The following IMPG1 variants were observed in gnomAD, a reference collection of about 807,000 sequenced individuals.
IMPG1 encodes interphotoreceptor matrix proteoglycan of 150 kDa.
IMPG1 carries 85 observed loss-of-function variants against 92.0 expected under a neutral mutation model. The ratio of observed to expected loss-of-function variants is 0.92; its 90% CI spans 0.78 to 1.11. IMPG1 has a LOEUF of 1.11. Among genes scored for constraint, IMPG1 ranks in the 50% least tolerant of loss-of-function variants. IMPG1 has a pLI of 0.00. For missense variants in IMPG1, 1,022 were observed against 956.0 expected, an observed-to-expected ratio of 1.07 and a Z score of -0.91; for synonymous variants, 367 against 334.1, an observed-to-expected ratio of 1.10 and a Z score of -1.08.
chr6:75,974,106 T>A (rs1301560768), intron 12 of IMPG1, among the ~76,000 whole-genome samples: 1 of 152,220 alleles, frequency 6.6e-6, no homozygotes, highest in Non-Finnish European at 1.5e-5. Context: ...TAATTTTGAC[T>A]GTGAACTGCA....
chr6:75,960,320 T>G (rs527915658), intron 12 of IMPG1, among the ~76,000 whole-genome samples: 1 of 152,196 alleles, frequency 6.6e-6, no homozygotes, highest in Non-Finnish European at 1.5e-5. Flanking sequence ...TATTCGGCCA[T>G]CTTGCCAGCC....
At chr6:76,042,649 G>T (rs559675257) in intron 1 of IMPG1, among the ~76,000 whole-genome samples, 2 of 152,120 alleles carry the variant, frequency 1.3e-5, no homozygotes, top group Non-Finnish European at 2.9e-5. Flanking sequence ...GCTGAGAGTG[G>T]ATTGGAGCAA....
chr6:75,936,861 T>G (rs1781754448), intron 14 of IMPG1, among the ~76,000 whole-genome samples: 1 of 152,184 alleles, frequency 6.6e-6, no homozygotes, highest in East Asian at 1.9e-4. Flanking sequence ...CCCGGACTTG[T>G]GTGGAGGGCT....
At chr6:75,939,081 C>T (rs1207570909) in intron 14 of IMPG1, among the ~76,000 whole-genome samples, 1 of 152,188 alleles carries the variant, frequency 6.6e-6, no homozygotes, top group African/African-American at 2.4e-5. Flanking sequence ...TCAAGCAATC[C>T]ACCTGCCTTA....
At chr6:76,046,811 C>G (rs143269770) in intron 1 of IMPG1, among the ~76,000 whole-genome samples, 15 of 152,262 alleles carry the variant, frequency 9.9e-5, no homozygotes, top group Middle Eastern at 3.4e-3. Flanking sequence ...ATCAGATAAT[C>G]GAGACATTTC....
intron 4 of IMPG1, 78 bp downstream of exon 4, chr6:76,034,237 A>G: frequency 2.6e-5 from 35 of 1,347,522 alleles, no homozygotes; most frequent in Non-Finnish European, 3.6e-5. Context: ...TACAGGTAGA[A>G]TAGCTTAGTT....
At chr6:75,956,286 T>C (rs538473957) in intron 12 of IMPG1, among the ~76,000 whole-genome samples, 31 of 152,326 alleles carry the variant, frequency 2.0e-4, no homozygotes, top group Middle Eastern at 3.4e-3. Flanking sequence ...TTGTTATTGG[T>C]CTATTCAAGG....
chr6:76,069,125 G>A (rs544304593), intron 1 of IMPG1, among the ~76,000 whole-genome samples: 1 of 152,220 alleles, frequency 6.6e-6, no homozygotes, highest in African/African-American at 2.4e-5. Flanking sequence ...ACTGGGGAAA[G>A]AAGACACTAT....
chr6:76,027,784 G>T (rs1485931306), intron 4 of IMPG1, among the ~76,000 whole-genome samples: 1 of 152,122 alleles, frequency 6.6e-6, no homozygotes, highest in South Asian at 2.1e-4. Flanking sequence ...GTTATAAAAG[G>T]TTTTTGCTTC....
At chr6:76,015,800 C>CAAAAAAA (rs35389302) in intron 7 of IMPG1, among the ~76,000 whole-genome samples, 1 of 66,720 alleles carries the variant, frequency 1.5e-5, no homozygotes. Context: ...AACTCTGTCT[C>CAAAAAAA]AAAAAAAAAA....
intron 1 of IMPG1, among the ~76,000 whole-genome samples, chr6:76,070,044 C>T (rs1049940766): frequency 1.3e-5 from 2 of 152,122 alleles, no homozygotes; most frequent in East Asian, 1.9e-4. Flanking sequence ...TGCTAAGTAC[C>T]TGCATGATGG....
chr6:76,038,619 T>C (rs1161005578), intron 2 of IMPG1, among the ~76,000 whole-genome samples: 1 of 152,170 alleles, frequency 6.6e-6, no homozygotes, highest in Non-Finnish European at 1.5e-5. Context: ...CTTCTCAAAA[T>C]TGGATTTTTG....
intron 15 of IMPG1, among the ~76,000 whole-genome samples, chr6:75,924,857 A>G (rs1482695579): frequency 7.0e-6 from 1 of 142,938 alleles, no homozygotes; most frequent in Non-Finnish European, 1.5e-5. Flanking sequence ...AAGACATTAT[A>G]TTAAGTGAAA....
intron 1 of IMPG1, among the ~76,000 whole-genome samples, chr6:76,055,479 T>C (rs1784105828): frequency 6.6e-6 from 1 of 151,760 alleles, no homozygotes; most frequent in Non-Finnish European, 1.5e-5. Context: ...TAATGACCTA[T>C]GCATCCATCT....
chr6:75,981,527 T>C (rs1340532128), intron 12 of IMPG1, among the ~76,000 whole-genome samples: 1 of 152,234 alleles, frequency 6.6e-6, no homozygotes, highest in African/African-American at 2.4e-5. Context: ...CCAGGTGTTG[T>C]CAGTCTAAGC....
intron 12 of IMPG1, among the ~76,000 whole-genome samples, chr6:75,964,245 T>C (rs1273147958): frequency 6.6e-6 from 1 of 152,152 alleles, no homozygotes; most frequent in African/African-American, 2.4e-5. Flanking sequence ...GCTTTCTGGT[T>C]ATGGGGGTTC....
chr6:75,921,914 A>G lies in IMPG1; in HGVS notation c.*175T>C, dbSNP rs1432453403. ...GTAAGTGTCTTTTTCTTCAGAATTTACTGGTTGCCAAGTACATGACTCTTC... is the reference window on the plus strand; with the variant it reads ...GTAAGTGTCTTTTTCTTCAGAATTTGCTGGTTGCCAAGTACATGACTCTTC... On this transcript the variant is annotated 3_prime_UTR_variant, in exon 17 of 17. Coordinates refer to ENST00000369950, the MANE Select transcript of IMPG1 (RefSeq NM_001563.4). 2 of 451,346 alleles carry G rather than the reference A, an allele frequency of 4.4e-6. No homozygotes were observed. The highest frequency in any genetic ancestry group is 7.9e-6 in the Non-Finnish European group (2 of 252,658). 28.0% of individuals were successfully genotyped at this position (451,346 alleles called of 1,614,324 possible).
intron 11 of IMPG1, among the ~76,000 whole-genome samples, chr6:76,003,226 C>T (rs1334000777): frequency 6.6e-6 from 1 of 152,030 alleles, no homozygotes; most frequent in Non-Finnish European, 1.5e-5. Context: ...ACTGAATCTG[C>T]CTGAATAGAC....
rs200466253 is a variant in IMPG1, at chr6:75,968,469, TTCTA to T, written c.1292-17379_1292-17376del. 8.2e-3 allele frequency among the ~76,000 whole-genome samples: 1,239 copies of T among 150,844 alleles called. 11 individuals carry two copies. Among genetic ancestry groups the T allele is most frequent in the Middle Eastern group, 0.017 (5 of 292 alleles). On this transcript the variant is annotated intron_variant, in intron 12 of 16. Transcript: ENST00000369950. ...AAAAATTCTACTTTTGTGAAGATACTTCTATCTATCCTTTTATCTTTTAAAATGC... is the reference window on the plus strand; with the variant it reads ...AAAAATTCTACTTTTGTGAAGATACTTCTATCCTTTTATCTTTTAAAATGC...
Sources: allele counts gnomAD v4.1 joint callset (sites outside exome capture counted in the v4.1 genomes callset), GRCh38; gene constraint gnomAD v4.1.1; transcripts MANE v1.5; gene names NCBI Gene and HGNC (gene_info 2026-07-23, HGNC 2026-07-21).